The following CLVS1 variants were observed in gnomAD, a reference collection of about 807,000 sequenced individuals.
The protein encoded by CLVS1 is clavesin-1.
In CLVS1, 10 loss-of-function variants were observed where a neutral mutation model predicts 33.1. The observed-to-expected ratio is 0.30, with a 90% confidence interval of 0.19 to 0.51. The LOEUF (loss-of-function observed/expected upper bound fraction) is 0.51. CLVS1 is among the 20% of genes least tolerant of loss of function. CLVS1 has a pLI of 0.97. For missense variants in CLVS1, 343 were observed against 433.4 expected (o/e 0.79, Z 1.85); for synonymous variants, 163 against 166.1 (o/e 0.98, Z 0.14).
At chr8:61,107,049 C>T (rs1166900740) in intron 1 of CLVS1, among the ~76,000 whole-genome samples, 5 of 152,176 alleles carry the variant, frequency 3.3e-5, no homozygotes, top group African/African-American at 1.2e-4. Context: ...CTGCCATTCT[C>T]CTCTCTCCCA....
At chr8:61,354,747 AT>A (rs1223875651) in intron 2 of CLVS1, among the ~76,000 whole-genome samples, 1 of 152,188 alleles carries the variant, frequency 6.6e-6, no homozygotes, top group East Asian at 1.9e-4. Flanking sequence ...ATAACATTCA[AT>A]TTCTATAACA....
chr8:60,996,901 C>T, the CLVS1 span, among the ~76,000 whole-genome samples: 1 of 152,108 alleles, frequency 6.6e-6, no homozygotes, highest in African/African-American at 2.4e-5. Flanking sequence ...AAGAGGCACA[C>T]CACTGAGGCA....
chr8:61,226,200 G>C (rs1249622591), intron 2 of CLVS1, among the ~76,000 whole-genome samples: 1 of 152,198 alleles, frequency 6.6e-6, no homozygotes, highest in East Asian at 1.9e-4. Flanking sequence ...GCATACTGAA[G>C]TAAAATTAAT....
At chr8:61,171,171 T>A (rs1020992543) in intron 2 of CLVS1, among the ~76,000 whole-genome samples, 8 of 152,186 alleles carry the variant, frequency 5.3e-5, no homozygotes, top group Non-Finnish European at 8.8e-5. Context: ...CACAATCATC[T>A]TTGAGCAGAT....
At chr8:61,259,418 T>C (rs1809152901) in intron 2 of CLVS1, among the ~76,000 whole-genome samples, 3 of 152,152 alleles carry the variant, frequency 2.0e-5, no homozygotes, top group Non-Finnish European at 4.4e-5. Context: ...ACACAGCAGG[T>C]CAGGTAGTCC....
chr8:61,031,038 G>T, the CLVS1 span, among the ~76,000 whole-genome samples: 1 of 152,240 alleles, frequency 6.6e-6, no homozygotes, highest in South Asian at 2.1e-4. Flanking sequence ...GAATATATTA[G>T]CTCTGAGTCT....
intron 2 of CLVS1, among the ~76,000 whole-genome samples, chr8:61,195,779 T>C (rs1309860051): frequency 6.6e-6 from 1 of 152,084 alleles, no homozygotes; most frequent in Non-Finnish European, 1.5e-5. Context: ...AGGAAGTTAA[T>C]GACTGGGAAA....
chr8:61,383,203 C>T (rs982168048), intron 3 of CLVS1, among the ~76,000 whole-genome samples: 62 of 152,092 alleles, frequency 4.1e-4, no homozygotes, highest in African/African-American at 1.5e-3. Flanking sequence ...AGATTGGTGT[C>T]ACCTGCCCAC....
intron 2 of CLVS1, among the ~76,000 whole-genome samples, chr8:61,317,524 G>C (rs1319308507): frequency 6.6e-6 from 1 of 151,938 alleles, no homozygotes. Context: ...AAATGTTCAG[G>C]GCTCTTGGTC....
intron 3 of CLVS1, among the ~76,000 whole-genome samples, chr8:61,440,324 AC>A (rs1816493521): frequency 6.6e-6 from 1 of 152,208 alleles, no homozygotes; most frequent in Admixed American, 6.5e-5. Flanking sequence ...ATGCATACTA[AC>A]TGTCCAGTAA....
intron 5 of CLVS1, among the ~76,000 whole-genome samples, chr8:61,471,833 A>G (rs752330381): frequency 6.3e-4 from 96 of 152,094 alleles, no homozygotes; most frequent in Admixed American, 1.4e-3. Flanking sequence ...CTCAAATCTA[A>G]ACTGTTATCC....
intron 1 of CLVS1, among the ~76,000 whole-genome samples, chr8:61,125,000 G>A (rs1192474279): frequency 6.6e-6 from 1 of 152,124 alleles, no homozygotes; most frequent in Non-Finnish European, 1.5e-5. Context: ...ACAATCATGA[G>A]CATTTCCTAT....
At chr8:61,346,781 A>C (rs1219614042) in intron 2 of CLVS1, among the ~76,000 whole-genome samples, 1 of 152,194 alleles carries the variant, frequency 6.6e-6, no homozygotes, top group East Asian at 1.9e-4. Context: ...CAGTCACACA[A>C]ATAATGTCTC....
rs1192578012 is a variant in CLVS1 at position 61,499,600 on chromosome 8, G to A, written c.*58G>A. On this transcript the variant is annotated 3_prime_UTR_variant, in exon 6 of 6. Transcript: ENST00000325897. ...GCCTTCAGTGGTATCAGCCACCCAGGAAGCACATGCACAACTGACCCATGC... is the reference window on the plus strand; with the variant it reads ...GCCTTCAGTGGTATCAGCCACCCAGAAAGCACATGCACAACTGACCCATGC... 2 of 1,307,110 alleles carry A rather than the reference G, an allele frequency of 1.5e-6. No homozygotes were observed. Among genetic ancestry groups the A allele is most frequent in the African/African-American group, 2.9e-5 (2 of 68,796 alleles). The allele number at this position is 1,307,110 out of a possible 1,614,324, so 81.0% of individuals were successfully genotyped here. A position where few individuals can be genotyped will look rare whatever the true frequency, so the allele number is the denominator to read the frequency against.
intron 2 of CLVS1, among the ~76,000 whole-genome samples, chr8:61,235,370 G>A (rs1808534077): frequency 6.6e-6 from 1 of 152,164 alleles, no homozygotes; most frequent in Non-Finnish European, 1.5e-5. Flanking sequence ...AGTGGTTTCA[G>A]GAGGCAAGAA....
chr8:61,282,919 TC>T (rs1405374415), intron 2 of CLVS1, among the ~76,000 whole-genome samples: 1 of 152,176 alleles, frequency 6.6e-6, no homozygotes, highest in Non-Finnish European at 1.5e-5. Context: ...CTCCAAACAC[TC>T]CCTGGCTTCA....
chr8:61,210,953 A>C (rs78994226), intron 2 of CLVS1, among the ~76,000 whole-genome samples: 4 of 148,574 alleles, frequency 2.7e-5, no homozygotes, highest in Middle Eastern at 3.5e-3. Flanking sequence ...ACTTCCTACC[A>C]AAAAAAAAAG....
chr8:61,066,055 T>C (rs1311834059), intron 1 of CLVS1, among the ~76,000 whole-genome samples: 1 of 152,170 alleles, frequency 6.6e-6, no homozygotes, highest in African/African-American at 2.4e-5. Context: ...TTTCTAAACA[T>C]ATGTATGAAG....
chr8:61,386,495 T>G (rs1024287386), intron 3 of CLVS1, among the ~76,000 whole-genome samples: 2 of 152,168 alleles, frequency 1.3e-5, no homozygotes, highest in Non-Finnish European at 2.9e-5. Flanking sequence ...AATGCCATGC[T>G]CAGCTGAAAA....
Sources: gnomAD v4.1 joint callset for allele counts (sites outside exome capture counted in the v4.1 genomes callset) on GRCh38, gnomAD v4.1.1 for gene constraint, MANE v1.5 for transcripts, NCBI Gene and HGNC (gene_info 2026-07-23, HGNC 2026-07-21) for gene names.